TAF4B: variants seen among roughly 807,000 people sequenced by gnomAD.
The protein encoded by TAF4B is transcription initiation factor TFIID subunit 4B.
TAF4B carries 38 observed loss-of-function variants against 86.4 expected under a neutral mutation model. That is an observed-to-expected ratio of 0.44 (90% CI 0.34 to 0.58). The LOEUF is 0.58. TAF4B is among the 20% of genes least tolerant of loss of function. The pLI is 0.02. For synonymous variants in TAF4B, 388 were observed against 391.2 expected (o/e 0.99, Z 0.10); for missense variants, 988 against 1,027.6 (o/e 0.96, Z 0.53).
In TAF4B at chr18:26,256,315, C is replaced by T. The variant is rs140133669; in HGVS notation, c.344-8855C>T. 584 of 1,453,544 alleles carry T rather than the reference C, an allele frequency of 4.0e-4. 3 individuals carry two copies. In the African/African-American group the frequency reaches 6.9e-3, roughly 17 times the overall value. The allele number at this position is 1,453,544 out of a possible 1,614,324, so 90.0% of individuals were successfully genotyped here. A position where few individuals can be genotyped will look rare whatever the true frequency, so the allele number is the denominator to read the frequency against. On this transcript the variant is annotated intron_variant, in intron 1 of 14. Transcript: ENST00000269142. ...GACTTAGCTCTGCAAATACAGCAGC[C>T]CTCTATACTTCGGTACATCTTTGGC...
At chr18:26,310,921 AAT>A (rs1341225065) in intron 9 of TAF4B, among the ~76,000 whole-genome samples, 7 of 152,110 alleles carry the variant, frequency 4.6e-5, no homozygotes, top group Non-Finnish European at 8.8e-5. Context: ...CACAGATGGT[AAT>A]ATATAATACA....
intron 9 of TAF4B, among the ~76,000 whole-genome samples, chr18:26,312,239 A>G (rs554310650): frequency 9.2e-5 from 14 of 152,334 alleles, no homozygotes; most frequent in African/African-American, 3.1e-4. Context: ...CTAAACATCA[A>G]AGCCTTTGCT....
intron 5 of TAF4B, among the ~76,000 whole-genome samples, chr18:26,279,613 G>A (rs1273807672): frequency 1.3e-5 from 2 of 149,426 alleles, no homozygotes; most frequent in African/African-American, 4.9e-5. Flanking sequence ...AGACTATACT[G>A]TAAGGCTACA....
At chr18:26,340,473 A>G (rs907170529) in intron 13 of TAF4B, among the ~76,000 whole-genome samples, 1 of 152,208 alleles carries the variant, frequency 6.6e-6, no homozygotes, top group African/African-American at 2.4e-5. Context: ...TCTTAAAATG[A>G]CAAGTTATAA....
intron 11 of TAF4B, among the ~76,000 whole-genome samples, chr18:26,322,652 C>T (rs188326838): frequency 5.9e-5 from 9 of 152,050 alleles, no homozygotes; most frequent in Non-Finnish European, 1.0e-4. Flanking sequence ...GCTAGTAAAG[C>T]GAATGGTGTG....
In TAF4B at chr18:26,281,986, G is replaced by C. The variant is rs755058985; in HGVS notation, c.898G>C (p.Ala300Pro). 1.9e-6 allele frequency: 3 copies of C among 1,612,674 alleles called. No homozygotes were observed. Among genetic ancestry groups the C allele is most frequent in the Non-Finnish European group, 2.5e-6 (3 of 1,179,452 alleles). Residue 300 changes from alanine to proline, a missense_variant, in exon 6 of 15, where the codon GCA becomes CCA. Physicochemically the swap from Ala to Pro is conservative, Grantham distance 27. Coordinates refer to ENST00000269142, the MANE Select transcript of TAF4B (RefSeq NM_005640.3). The stretch of plus-strand genomic sequence containing the variant: ...CATCCCTCAGGATGCAAAAATCGAA[G>C]CAGAAGAATTTACTAGGAAACTGTA... ...VEQLLDAKIE[A>P]EEFTRKLYVE...
intron 14 of TAF4B, among the ~76,000 whole-genome samples, chr18:26,385,967 T>C (rs572384367): frequency 6.6e-6 from 1 of 152,304 alleles, no homozygotes; most frequent in South Asian, 2.1e-4. Flanking sequence ...TTGTGGACTT[T>C]GCCAAATCAA....
intron 1 of TAF4B, among the ~76,000 whole-genome samples, chr18:26,244,760 A>G (rs933906575): frequency 6.6e-6 from 1 of 152,232 alleles, no homozygotes; most frequent in Non-Finnish European, 1.5e-5. Flanking sequence ...GAAGAGCAAC[A>G]GGGACAGGGA....
intron 13 of TAF4B, among the ~76,000 whole-genome samples, chr18:26,356,998 T>C (rs1436218457): frequency 6.6e-6 from 1 of 152,144 alleles, no homozygotes; most frequent in Non-Finnish European, 1.5e-5. Flanking sequence ...TAAATCACTT[T>C]AGAATTTTGC....
intron 13 of TAF4B, among the ~76,000 whole-genome samples, chr18:26,355,532 C>A (rs1361860613): frequency 6.6e-6 from 1 of 152,064 alleles, no homozygotes; most frequent in Non-Finnish European, 1.5e-5. Context: ...AAATACAGGG[C>A]CAATGAAAAC....
At chr18:26,244,729 T>C (rs1352788888) in intron 1 of TAF4B, among the ~76,000 whole-genome samples, 1 of 152,136 alleles carries the variant, frequency 6.6e-6, no homozygotes, top group Admixed American at 6.5e-5. Flanking sequence ...ATACTAGAAA[T>C]TATCCTTATA....
chr18:26,267,577 T>C lies in TAF4B; in HGVS notation c.551T>C (p.Ile184Thr). Residue 184 changes from isoleucine to threonine, a missense_variant, in exon 3 of 15, where the codon ATA (isoleucine) becomes ACA (threonine). Ile to Thr is a moderately conservative substitution (Grantham distance 89, BLOSUM62 -1). Transcript: ENST00000269142. ...ACACCTGTTAAAAAATTGGCACAAA[T>C]AGGAACTACTGTGGTAACCACTGTT... ...AVTPVKKLAQ[I>T]GTTVVTTVPK... 1 of 1,614,192 alleles carries C rather than the reference T, an allele frequency of 6.2e-7. No individual in the cohort carries two copies.
intron 6 of TAF4B, among the ~76,000 whole-genome samples, chr18:26,283,428 C>CTTT (rs201370746): frequency 6.8e-6 from 1 of 146,702 alleles, no homozygotes; most frequent in Non-Finnish European, 1.5e-5. Flanking sequence ...TGAAAATAAT[C>CTTT]TTTTTTTTTT....
At chr18:26,373,936 T>C (rs1317521809) in intron 14 of TAF4B, among the ~76,000 whole-genome samples, 1 of 152,104 alleles carries the variant, frequency 6.6e-6, no homozygotes, top group African/African-American at 2.4e-5. Context: ...ACACAAAGCA[T>C]GATTAGGGAT....
chr18:26,314,665 C>G (rs1316299688), intron 9 of TAF4B, among the ~76,000 whole-genome samples: 1 of 152,108 alleles, frequency 6.6e-6, no homozygotes, highest in African/African-American at 2.4e-5. Flanking sequence ...AAGCTTCTTC[C>G]CAAGGGTCTT....
intron 5 of TAF4B, 62 bp downstream of exon 5, chr18:26,275,115 G>A: frequency 6.8e-7 from 1 of 1,467,148 alleles, no homozygotes; most frequent in Non-Finnish European, 9.1e-7. Flanking sequence ...TTGTAATTGG[G>A]AAATGCATAT....
At chr18:26,335,374 G>T in intron 13 of TAF4B, 143 bp downstream of exon 13, 1 of 680,360 alleles carries the variant, frequency 1.5e-6, no homozygotes. Context: ...CTAAAGGCAA[G>T]GGCAGTACTT....
intron 9 of TAF4B, among the ~76,000 whole-genome samples, chr18:26,297,515 T>C (rs1031821478): frequency 3.9e-5 from 6 of 152,184 alleles, no homozygotes; most frequent in African/African-American, 1.4e-4. Flanking sequence ...GCTTTCCCCC[T>C]GGCTTCTCTA....
At chr18:26,303,849 G>A (rs2056767403) in intron 9 of TAF4B, among the ~76,000 whole-genome samples, 1 of 151,980 alleles carries the variant, frequency 6.6e-6, no homozygotes, top group Non-Finnish European at 1.5e-5. Flanking sequence ...TTATAATTTG[G>A]ATCCTTCTAT....
Sources: allele counts gnomAD v4.1 joint callset (sites outside exome capture counted in the v4.1 genomes callset), GRCh38; gene constraint gnomAD v4.1.1; transcripts MANE v1.5; gene names NCBI Gene and HGNC (gene_info 2026-07-23, HGNC 2026-07-21).